Variants in SORBS2 observed in about 807,000 individuals in gnomAD.
SORBS2 encodes the protein sorbin and SH3 domain containing 2.
A neutral mutation model predicts 97.7 loss-of-function variants in SORBS2; 46 were observed. That is an observed-to-expected ratio of 0.47 (90% CI 0.37 to 0.60). The LOEUF is 0.60. Among genes scored for constraint, SORBS2 ranks in the 20% least tolerant of loss-of-function variants. SORBS2 has a pLI of 0.00. For synonymous variants in SORBS2, 476 were observed against 473.4 expected (o/e 1.01, Z -0.07); for missense variants, 1,316 against 1,282.3 (o/e 1.03, Z -0.40).
chr4:185,691,170 G>A (rs1052980674), intron 2 of SORBS2, among the ~76,000 whole-genome samples: 1 of 152,098 alleles, frequency 6.6e-6, no homozygotes, highest in Non-Finnish European at 1.5e-5. Flanking sequence ...AGAGTGCTGG[G>A]ATTACAGGCG....
At chr4:185,783,991 A>G (rs1029113196) in intron 1 of SORBS2, among the ~76,000 whole-genome samples, 1 of 152,162 alleles carries the variant, frequency 6.6e-6, no homozygotes, top group African/African-American at 2.4e-5. Context: ...TCACTACAGA[A>G]TCCTGACAGT....
chr4:185,631,839 GA>G (rs1240454726), intron 4 of SORBS2, among the ~76,000 whole-genome samples: 2 of 152,154 alleles, frequency 1.3e-5, no homozygotes, highest in Non-Finnish European at 2.9e-5. Flanking sequence ...AGTATAGGGA[GA>G]TGTATACCAA....
intron 14 of SORBS2, 172 bp from the exon 27 acceptor site, chr4:185,587,860 A>G: frequency 1.8e-6 from 1 of 563,738 alleles, no homozygotes; most frequent in Admixed American, 3.1e-5. Context: ...AAGCAGTGTT[A>G]GCTGGTTGCC....
At chr4:185,859,189 C>T (rs1960151) in intron 1 of SORBS2, among the ~76,000 whole-genome samples, 82,719 of 151,974 alleles carry the variant, frequency 0.54, 22,997 homozygotes, top group East Asian at 0.79. Flanking sequence ...ATGGCCATAA[C>T]GGGACTTATT....
intron 2 of SORBS2, among the ~76,000 whole-genome samples, chr4:185,706,782 A>G (rs35644387): frequency 0.15 from 22,131 of 152,150 alleles, 2,110 homozygotes; most frequent in African/African-American, 0.27. Context: ...TTATAATGAT[A>G]TAATGCTGCA....
At chr4:185,922,701 A>G (rs1383840585) in intron 1 of SORBS2, among the ~76,000 whole-genome samples, 1 of 152,178 alleles carries the variant, frequency 6.6e-6, no homozygotes, top group Non-Finnish European at 1.5e-5. Flanking sequence ...AATCTTTTGT[A>G]GACTTTCTGT....
chr4:185,890,075 T>G (rs2099241681), intron 1 of SORBS2, among the ~76,000 whole-genome samples: 2 of 152,034 alleles, frequency 1.3e-5, no homozygotes, highest in Admixed American at 6.6e-5. Context: ...TTAGTAGAGA[T>G]AGGGTTTTGC....
chr4:185,688,482 ATC>A (rs2098018436), intron 2 of SORBS2, among the ~76,000 whole-genome samples: 1 of 148,800 alleles, frequency 6.7e-6, no homozygotes, highest in African/African-American at 2.6e-5. Flanking sequence ...TGCATTATCT[ATC>A]TGTCTATTGA....
Position 185,593,947 on chromosome 4 carries a change from T to C in SORBS2, c.2797-12A>G, listed in dbSNP as rs1396946673. On this transcript the variant is annotated splice_polypyrimidine_tract_variant and intron_variant, in intron 12 of 14. Coordinates refer to ENST00000418609, the Ensembl canonical transcript of SORBS2. ...ACAGGACGCTGTGGCTGAAATGAAA[T>C]GATTTTCAATGTAATCAATGTTTAA... 6.3e-7 allele frequency: 1 copy of C among 1,581,122 alleles called. No homozygotes were observed. Among genetic ancestry groups the C allele is most frequent in the East Asian group, 2.2e-5 (1 of 44,728 alleles).
chr4:185,748,462 G>C, intron 2 of SORBS2, among the ~76,000 whole-genome samples: 1 of 152,176 alleles, frequency 6.6e-6, no homozygotes, highest in Non-Finnish European at 1.5e-5. Flanking sequence ...AAGGCGAGCT[G>C]GGAAGTAGGG....
intron 1 of SORBS2, among the ~76,000 whole-genome samples, chr4:185,825,212 G>T (rs9685069): frequency 1.3e-4 from 19 of 147,520 alleles, no homozygotes; most frequent in African/African-American, 2.7e-4. Context: ...TCTGTTTTTT[G>T]TTTTTTTTTT....
At chr4:185,860,572 G>A (rs1579222878) in intron 1 of SORBS2, among the ~76,000 whole-genome samples, 1 of 152,240 alleles carries the variant, frequency 6.6e-6, no homozygotes, top group East Asian at 1.9e-4. Flanking sequence ...TGAGCCAAAT[G>A]TGAGGACCAT....
At chr4:185,603,756 C>T (rs1447373851) in intron 12 of SORBS2, among the ~76,000 whole-genome samples, 1 of 152,118 alleles carries the variant, frequency 6.6e-6, no homozygotes. Context: ...CTTTCCAAGG[C>T]CAGTCATTAA....
chr4:185,939,769 C>T (rs1481691218), intron 1 of SORBS2, among the ~76,000 whole-genome samples: 2 of 152,192 alleles, frequency 1.3e-5, no homozygotes, highest in Non-Finnish European at 2.9e-5. Context: ...CTCGGCCTCC[C>T]AAAGTGCTGG....
chr4:185,866,926 A>ATATT (rs10650021), intron 1 of SORBS2, among the ~76,000 whole-genome samples: 3 of 151,756 alleles, frequency 2.0e-5, no homozygotes, highest in African/African-American at 7.3e-5. Flanking sequence ...TGAGAAAATA[A>ATATT]CACAGTGCTC....
At chr4:185,853,252 G>A (rs1295792385) in intron 1 of SORBS2, among the ~76,000 whole-genome samples, 1 of 152,124 alleles carries the variant, frequency 6.6e-6, no homozygotes. Flanking sequence ...TTATTTTATG[G>A]ATGAAACATC....
intron 1 of SORBS2, among the ~76,000 whole-genome samples, chr4:185,886,585 A>G (rs920912370): frequency 2.6e-5 from 4 of 151,434 alleles, no homozygotes; most frequent in African/African-American, 4.8e-5. Context: ...AAAAGAAAAA[A>G]AAAAGAAAAG....
At chr4:185,881,463 T>G in intron 1 of SORBS2, among the ~76,000 whole-genome samples, 1 of 152,128 alleles carries the variant, frequency 6.6e-6, no homozygotes, top group East Asian at 1.9e-4. Context: ...TCAAAATTAC[T>G]TGACATCAAG....
At chr4:185,614,852 A>G (rs375795054) in exon 11 of SORBS2, 8 of 1,614,020 alleles carry the variant, frequency 5.0e-6, no homozygotes, top group Non-Finnish European at 6.8e-6. Context: ...ACAGCTCCAC[A>G]TTTGTGTCTG....
Sources: gnomAD v4.1 joint callset for allele counts (sites outside exome capture counted in the v4.1 genomes callset) on GRCh38, gnomAD v4.1.1 for gene constraint, MANE v1.5 for transcripts, NCBI Gene and HGNC (gene_info 2026-07-23, HGNC 2026-07-21) for gene names.